Variants in SLC6A15 observed in about 807,000 individuals in gnomAD.
The protein encoded by SLC6A15 is sodium-dependent neutral amino acid transporter B(0)AT2.
In SLC6A15, 33 loss-of-function variants were observed where a neutral mutation model predicts 68.5. The ratio of observed to expected loss-of-function variants is 0.48; its 90% CI spans 0.37 to 0.64. The LOEUF (loss-of-function observed/expected upper bound fraction) is 0.64. SLC6A15 is among the 30% of genes least tolerant of loss of function. The pLI, the probability that SLC6A15 is intolerant of heterozygous loss-of-function variation, is 0.00. For missense variants in SLC6A15, 747 were observed against 874.3 expected (o/e 0.85, Z 1.84); for synonymous variants, 347 against 301.0 (o/e 1.15, Z -1.58).
Position 84,892,325 on chromosome 12 carries a change from T to C in SLC6A15, c.-188-17A>G. 3 of 446,506 alleles carry C rather than the reference T, an allele frequency of 6.7e-6. No homozygotes were observed. Among genetic ancestry groups the C allele is most frequent in the Non-Finnish European group, 3.9e-6 (1 of 256,920 alleles). 27.7% of individuals were successfully genotyped at this position (446,506 alleles called of 1,614,324 possible). On this transcript the variant is annotated splice_polypyrimidine_tract_variant and intron_variant, in intron 1 of 11. Coordinates refer to ENST00000266682, the MANE Select transcript of SLC6A15 (RefSeq NM_182767.6). Reference sequence around the variant, plus strand: ...TGTAGGTACCTGTAAAATTATAAGTTGAAATGTGATCATATTTAATGATGA... The same window carrying C: ...TGTAGGTACCTGTAAAATTATAAGTCGAAATGTGATCATATTTAATGATGA...
intron 1 of SLC6A15, among the ~76,000 whole-genome samples, chr12:84,896,215 T>C (rs1235438651): frequency 1.3e-5 from 2 of 152,192 alleles, no homozygotes; most frequent in Non-Finnish European, 2.9e-5. Context: ...GAGCCTCCTG[T>C]CTACAACTGT....
intron 2 of SLC6A15, among the ~76,000 whole-genome samples, chr12:84,887,694 G>A (rs1165304229): frequency 1.3e-5 from 2 of 151,754 alleles, no homozygotes; most frequent in African/African-American, 2.4e-5. Flanking sequence ...TTTTTTATAC[G>A]CATGTGAATG....
intron 1 of SLC6A15, among the ~76,000 whole-genome samples, chr12:84,904,334 C>T (rs1873037245): frequency 1.3e-5 from 2 of 151,848 alleles, no homozygotes; most frequent in Non-Finnish European, 2.9e-5. Flanking sequence ...GCTGAACAGC[C>T]AGGTAACACA....
At chr12:84,864,859 T>C (rs185312187) in intron 10 of SLC6A15, among the ~76,000 whole-genome samples, 6 of 152,220 alleles carry the variant, frequency 3.9e-5, no homozygotes, top group African/African-American at 1.4e-4. Context: ...CCTTTGAGGG[T>C]TATTACTAGA....
chr12:84,860,365 A>G lies in SLC6A15; in HGVS notation c.*1267T>C, dbSNP rs1029411558. The G allele has an allele frequency of 1.3e-5, 2 of 152,266 alleles. No homozygotes were observed. Among genetic ancestry groups the G allele is most frequent in the Non-Finnish European group, 2.9e-5 (2 of 67,958 alleles). 9.4% of individuals were successfully genotyped at this position (152,266 alleles called of 1,614,324 possible). A position where few individuals can be genotyped will look rare whatever the true frequency, so the allele number is the denominator to read the frequency against. On this transcript the variant is annotated 3_prime_UTR_variant, in exon 12 of 12. Coordinates refer to ENST00000266682, the MANE Select transcript of SLC6A15 (RefSeq NM_182767.6). ...TTTTATTTAAAAATCATAGTCTTTT[A>G]TACTTTGCAGACAATATTGAATCAG...
rs1555181593 is a variant in SLC6A15, at chr12:84,886,084, C to T, written c.290-16G>A. On this transcript the variant is annotated splice_polypyrimidine_tract_variant and intron_variant, in intron 2 of 11. Transcript: ENST00000266682. Reference sequence around the variant, plus strand: ...AGATATGCACCTAAAGAAACAACAACAAAAAATAGATTATATTTTCAATAC... The same window carrying T: ...AGATATGCACCTAAAGAAACAACAATAAAAAATAGATTATATTTTCAATAC... The T allele has an allele frequency of 1.3e-6, 2 of 1,518,786 alleles. No homozygotes were observed. Among genetic ancestry groups the T allele is most frequent in the Non-Finnish European group, 1.8e-6 (2 of 1,105,938 alleles). The allele number at this position is 1,518,786 out of a possible 1,614,324, so 94.1% of individuals were successfully genotyped here.
rs1871362247 is a variant in SLC6A15, at chr12:84,873,130, G to C, written c.1066C>G (p.Leu356Val). The change falls in exon 7 of 12, where the codon CTG becomes GTG. Residue 356 changes from leucine to valine, a missense_variant. Coordinates refer to ENST00000266682, the MANE Select transcript of SLC6A15 (RefSeq NM_182767.6). ...VLATLVVFAV[L>V]GFKANVINEK... is the part of the protein sequence containing the mutation. ...TTTATGACATTTGCTTTGAAGCCCA[G>C]AACTGCAAACACCACCAATGTTGCC... 1.9e-6 allele frequency: 3 copies of C among 1,614,054 alleles called. No individual in the cohort carries two copies. The highest frequency in any genetic ancestry group is 2.5e-6 in the Non-Finnish European group (3 of 1,179,988).
rs185086976 is a variant in SLC6A15 at position 84,879,000 on chromosome 12, A to G, written c.757-2393T>C. On this transcript the variant is annotated intron_variant, in intron 5 of 11. Transcript: ENST00000266682. ...AGAAATCTGGTGCTATCACTGAACT[A>G]TTAAAAATCCTCAAAGGTTCCACAC... Among the ~76,000 whole-genome samples, 332 of 152,028 alleles carry G rather than the reference A, an allele frequency of 2.2e-3. 5 individuals carry two copies. Among genetic ancestry groups the G allele is most frequent in the Non-Finnish European group, 3.6e-3 (241 of 67,842 alleles).
At chr12:84,881,330 C>T in intron 5 of SLC6A15, 1 of 437,904 alleles carries the variant, frequency 2.3e-6, no homozygotes, top group African/African-American at 2.1e-5. Flanking sequence ...AGGCTTACCA[C>T]CATCACAACC....
intron 1 of SLC6A15, among the ~76,000 whole-genome samples, chr12:84,906,477 A>G (rs1336569145): frequency 6.6e-6 from 1 of 152,174 alleles, no homozygotes; most frequent in African/African-American, 2.4e-5. Context: ...AGGAGCTACA[A>G]CAATTTTAAA....
chr12:84,910,927 C>CTCTCTCTCTCTCTCTCTCTCT (rs1565736492), intron 1 of SLC6A15, among the ~76,000 whole-genome samples: 19 of 129,062 alleles, frequency 1.5e-4, no homozygotes, highest in African/African-American at 7.1e-4. Flanking sequence ...CGCCCTCTTT[C>CTCTCTCTCTCTCTCTCTCTCT]CGTGTGTGTG....
chr12:84,870,688 T>C lies in SLC6A15; in HGVS notation c.1303-18A>G. On this transcript the variant is annotated intron_variant, in intron 8 of 11. Coordinates refer to ENST00000266682, the MANE Select transcript of SLC6A15 (RefSeq NM_182767.6). ...TGAACAGCCTGCAAAATACACAAAA[T>C]AGCAACATTAGTACAGAGTAATTAT... The C allele has an allele frequency of 1.3e-6, 2 of 1,553,772 alleles. No individual in the cohort carries two copies. Among genetic ancestry groups the C allele is most frequent in the African/African-American group, 1.4e-5 (1 of 73,462 alleles).
intron 9 of SLC6A15, 48 bp from the exon 10 acceptor site, chr12:84,867,241 G>T (rs757532922): frequency 4.1e-6 from 6 of 1,455,064 alleles, no homozygotes; most frequent in Non-Finnish European, 5.5e-6. Context: ...TCAGAGACAA[G>T]GCCTTTAAAC....
Position 84,871,987 on chromosome 12 carries a change from G to T in SLC6A15, c.1302+615C>A, listed in dbSNP as rs571524999. 2.6e-5 allele frequency among the ~76,000 whole-genome samples: 4 copies of T among 151,948 alleles called. No individual in the cohort carries two copies. In the South Asian group the frequency reaches 8.3e-4, roughly 32 times the overall value. On this transcript the variant is annotated intron_variant, in intron 8 of 11. Coordinates refer to ENST00000266682, the MANE Select transcript of SLC6A15 (RefSeq NM_182767.6). ...CCAAAATGGTGAACCGCCTTCTCCCGTCTCTACTAAAATTACAAAAATTAG... is the reference window on the plus strand; with the variant it reads ...CCAAAATGGTGAACCGCCTTCTCCCTTCTCTACTAAAATTACAAAAATTAG...
intron 4 of SLC6A15, 122 bp from the exon 5 acceptor site, chr12:84,884,162 G>A: frequency 1.4e-6 from 1 of 719,068 alleles, no homozygotes. Flanking sequence ...CCATTGTATA[G>A]CAGCATGTAA....
Position 84,892,195 on chromosome 12 carries a change from A to G in SLC6A15, c.-75T>C, listed in dbSNP as rs2120677567. 10 of 1,360,714 alleles carry G rather than the reference A, an allele frequency of 7.3e-6. No homozygotes were observed. The highest frequency in any genetic ancestry group is 2.0e-4 in the Middle Eastern group (1 of 5,126). The allele number at this position is 1,360,714 out of a possible 1,614,324, so 84.3% of individuals were successfully genotyped here. On this transcript the variant is annotated 5_prime_UTR_variant, in exon 2 of 12. Transcript: ENST00000266682. ...CAAATGTGTTAACTCTATTTTTCAA[A>G]ACAATGTTACTTGATAGGAAGTAAA...
chr12:84,893,468 C>T (rs530540237), intron 1 of SLC6A15, among the ~76,000 whole-genome samples: 2 of 152,158 alleles, frequency 1.3e-5, no homozygotes, highest in Admixed American at 1.3e-4. Context: ...TTTCCCCACT[C>T]AGACACAGAC....
rs116281310 is a variant in SLC6A15, at chr12:84,865,415, A to G, written c.1655+1619T>C. Among the ~76,000 whole-genome samples the G allele has an allele frequency of 7.3e-3, 1,116 of 152,332 alleles. 11 individuals carry two copies. The highest frequency in any genetic ancestry group is 0.025 in the African/African-American group (1,058 of 41,568). On this transcript the variant is annotated intron_variant, in intron 10 of 11. Transcript: ENST00000266682. ...TCCTCCATTATCAGCAACCCCCACGAGAGTGGAATGTTGGTTACAATTGAT... is the reference window on the plus strand; with the variant it reads ...TCCTCCATTATCAGCAACCCCCACGGGAGTGGAATGTTGGTTACAATTGAT...
chr12:84,869,731 G>A (rs933653123), intron 9 of SLC6A15, among the ~76,000 whole-genome samples: 1 of 151,966 alleles, frequency 6.6e-6, no homozygotes, highest in Non-Finnish European at 1.5e-5. Context: ...ATATTTAGAT[G>A]ACCTAGACTC....
Sources: allele counts gnomAD v4.1 joint callset (sites outside exome capture counted in the v4.1 genomes callset), GRCh38; gene constraint gnomAD v4.1.1; transcripts MANE v1.5; gene names NCBI Gene and HGNC (gene_info 2026-07-23, HGNC 2026-07-21).